BCR: variants seen among roughly 807,000 people sequenced by gnomAD.
BCR encodes the protein BCR activator of RhoGEF and GTPase, also known as breakpoint cluster region protein.
Under a neutral mutation model 138.6 loss-of-function variants are expected in BCR, and 58 were observed. The ratio of observed to expected loss-of-function variants is 0.42; its 90% CI spans 0.34 to 0.52. The LOEUF (loss-of-function observed/expected upper bound fraction) is 0.52. Among genes scored for constraint, BCR ranks in the 20% least tolerant of loss-of-function variants. The pLI is 0.06. For synonymous variants in BCR, 786 were observed against 730.1 expected, an observed-to-expected ratio of 1.08 and a Z score of -1.23; for missense variants, 1,599 against 1,727.2, an observed-to-expected ratio of 0.93 and a Z score of 1.32.
chr22:23,263,976 T>C, intron 4 of BCR: 1 of 890,382 alleles, frequency 1.1e-6, no homozygotes, highest in Non-Finnish European at 1.9e-6. Context: ...GATGACACAC[T>C]TGGACAGAGA....
chr22:23,300,834 G>A (rs1234202738), intron 16 of BCR, among the ~76,000 whole-genome samples: 2 of 152,172 alleles, frequency 1.3e-5, no homozygotes, highest in African/African-American at 2.4e-5. Flanking sequence ...TCATCCCCGA[G>A]GCTCACATAA....
rs1399101987 is a variant in BCR, at chr22:23,253,972, A to G, written c.1453A>G (p.Thr485Ala). The G allele has an allele frequency of 1.2e-6, 2 of 1,611,688 alleles. No individual in the cohort carries two copies. The highest frequency in any genetic ancestry group is 2.7e-5 in the African/African-American group (2 of 74,914). ...DALVSGALESTKASELDLEKG... is the reference protein window; with the variant it reads ...DALVSGALESAKASELDLEKG... ...GCTGGTCTCGGGAGCCCTGGAGTCC[A>G]CTAAAGCGGTGAGTCCCCATGGTGT... The change falls in exon 2 of 23, where the codon ACT (threonine) becomes GCT (alanine). Residue 485 changes from threonine to alanine, a missense_variant. Physicochemically the swap from Thr to Ala is moderately conservative, Grantham distance 58. Coordinates refer to ENST00000305877, the MANE Select transcript of BCR (RefSeq NM_004327.4).
chr22:23,186,215 G>A (rs1007779939), intron 1 of BCR, among the ~76,000 whole-genome samples: 1 of 152,248 alleles, frequency 6.6e-6, no homozygotes, highest in Non-Finnish European at 1.5e-5. Flanking sequence ...AAAAATGGCA[G>A]CAAAGGCCTG....
Position 23,245,904 on chromosome 22 carries a change from AACC to A in BCR, c.1280-7890_1280-7888del, listed in dbSNP as rs778177009. Among the ~76,000 whole-genome samples the A allele has an allele frequency of 5.1e-4, 78 of 152,316 alleles. 1 individual carries two copies. Among genetic ancestry groups the A allele is most frequent in the Non-Finnish European group, 8.2e-4 (56 of 68,028 alleles). ...TTTTAGTGCCTTCACAGTGTTGTGCAACCACCATCTCCGTTTAGTTCCGAAACA... is the reference window on the plus strand; with the variant it reads ...TTTTAGTGCCTTCACAGTGTTGTGCAACCATCTCCGTTTAGTTCCGAAACA... On this transcript the variant is annotated intron_variant, in intron 1 of 22. Coordinates refer to ENST00000305877, the MANE Select transcript of BCR (RefSeq NM_004327.4).
intron 1 of BCR, among the ~76,000 whole-genome samples, chr22:23,249,111 T>G (rs1442188683): frequency 1.3e-5 from 2 of 151,912 alleles, no homozygotes; most frequent in African/African-American, 4.8e-5. Flanking sequence ...ATAGCAAGAC[T>G]TTTTCTCAAA....
At chr22:23,196,916 A>AT (rs1160319819) in intron 1 of BCR, among the ~76,000 whole-genome samples, 4 of 152,178 alleles carry the variant, frequency 2.6e-5, no homozygotes, top group Non-Finnish European at 5.9e-5. Context: ...ATACCAGTTC[A>AT]TGGCCCGGGG....
In BCR at chr22:23,182,181, CCG is replaced by C. The variant is rs765754155; in HGVS notation, c.1223_1224del (p.Arg408GlnfsTer49). The C allele has an allele frequency of 6.2e-7, 1 of 1,602,246 alleles. No individual in the cohort carries two copies. Among genetic ancestry groups the C allele is most frequent in the Non-Finnish European group, 8.5e-7 (1 of 1,178,484 alleles). On this transcript the variant is annotated frameshift_variant, in exon 1 of 23. Transcript: ENST00000305877. LOFTEE classifies it high-confidence loss of function. The stretch of plus-strand genomic sequence containing the variant: ...TGTCCGAGGCCACCATCGTGGGCGT[CCG>C]CAAGACCGGGCAGATCTGGCCCAAC... ...VVSEATIVGV[R>X]KTGQIWPNDG...
intron 4 of BCR, among the ~76,000 whole-genome samples, chr22:23,267,413 C>T (rs2073455432): frequency 1.3e-5 from 2 of 152,268 alleles, no homozygotes; most frequent in South Asian, 2.1e-4. Context: ...GGAGCAGGGC[C>T]AGAAGATCAG....
rs538020546 is a variant in BCR at position 23,252,888 on chromosome 22, A to G, written c.1280-911A>G. 2.2e-3 allele frequency among the ~76,000 whole-genome samples: 330 copies of G among 152,288 alleles called. 1 individual carries two copies. The highest frequency in any genetic ancestry group is 7.6e-3 in the African/African-American group (316 of 41,552). On this transcript the variant is annotated intron_variant, in intron 1 of 22. Coordinates refer to ENST00000305877, the MANE Select transcript of BCR (RefSeq NM_004327.4). ...GCAGACACCAGCTGGGTGTCCTACA[A>G]TTTCAACTCAGTTTTGACATTGTCT...
intron 1 of BCR, among the ~76,000 whole-genome samples, chr22:23,240,302 CGTGTGTGTGTGTGTGT>C (rs200491524): frequency 2.8e-5 from 4 of 144,120 alleles, no homozygotes; most frequent in South Asian, 4.5e-4. Context: ...CCTGGCTGAT[CGTGTGTGTGTGTGTGT>C]GTGTGTGTGT....
chr22:23,243,504 C>A (rs1165188000), intron 1 of BCR, among the ~76,000 whole-genome samples: 2 of 152,136 alleles, frequency 1.3e-5, no homozygotes, highest in African/African-American at 4.8e-5. Context: ...GAGGGCAGTG[C>A]CCCAAGAGGC....
chr22:23,291,186 C>G (rs888233148), intron 14 of BCR: 1 of 145,394 alleles, frequency 6.9e-6, no homozygotes, highest in Admixed American at 7.0e-5. Context: ...CCAGCCTGGG[C>G]GACAGAGCAA....
At chr22:23,254,421 A>C in intron 2 of BCR, 1 of 508,204 alleles carries the variant, frequency 2.0e-6, no homozygotes, top group South Asian at 1.4e-5. Flanking sequence ...CTTGACCCTC[A>C]TTAATAATTC....
chr22:23,256,773 C>T (rs1301179992), intron 2 of BCR, among the ~76,000 whole-genome samples: 1 of 152,202 alleles, frequency 6.6e-6, no homozygotes, highest in Non-Finnish European at 1.5e-5. Context: ...GCCCTCAGTT[C>T]ACCCGTGGGC....
chr22:23,188,414 C>A (rs182841028), intron 1 of BCR, among the ~76,000 whole-genome samples: 235 of 152,334 alleles, frequency 1.5e-3, no homozygotes, highest in African/African-American at 5.4e-3. Flanking sequence ...TAGCCTCCTT[C>A]CTTCCTTGGT....
At chr22:23,199,482 C>T (rs1203693661) in intron 1 of BCR, 3 of 379,034 alleles carry the variant, frequency 7.9e-6, no homozygotes, top group Non-Finnish European at 1.6e-5. Flanking sequence ...GTTTTCACTC[C>T]TCAGGAAGCT....
At chr22:23,252,746 A>G in intron 1 of BCR, among the ~76,000 whole-genome samples, 1 of 152,088 alleles carries the variant, frequency 6.6e-6, no homozygotes, top group Non-Finnish European at 1.5e-5. Flanking sequence ...CCCCCTTTCT[A>G]TAGCAACCCA....
At chr22:23,309,353 G>A (rs2073983446) in intron 16 of BCR, 71 bp from the exon 17 acceptor site, 1 of 1,185,992 alleles carries the variant, frequency 8.4e-7, no homozygotes, top group Non-Finnish European at 1.2e-6. Context: ...AGTGGCGGGT[G>A]TGGGCTGCTG....
At chr22:23,225,351 G>A (rs780716809) in intron 1 of BCR, among the ~76,000 whole-genome samples, 113 of 142,854 alleles carry the variant, frequency 7.9e-4, no homozygotes, top group Non-Finnish European at 1.3e-3. Flanking sequence ...CATTTTCACT[G>A]GATGGACCCC....
Sources: allele counts gnomAD v4.1 joint callset (sites outside exome capture counted in the v4.1 genomes callset), GRCh38; gene constraint gnomAD v4.1.1; transcripts MANE v1.5; gene names NCBI Gene and HGNC (gene_info 2026-07-23, HGNC 2026-07-21).